The following ERC2 variants were observed in gnomAD, a reference collection of about 807,000 sequenced individuals.
ERC2 encodes ERC protein 2.
A neutral mutation model predicts 114.8 loss-of-function variants in ERC2; 42 were observed. The observed-to-expected ratio is 0.37, with a 90% CI of 0.29 to 0.47. ERC2 has a LOEUF of 0.47. Ranked by LOEUF, ERC2 falls within the 20% of genes least tolerant of loss-of-function variation. ERC2 has a pLI of 0.99. For missense variants in ERC2, 939 were observed against 1,150.7 expected, an observed-to-expected ratio of 0.82 and a Z score of 2.66; for synonymous variants, 454 against 425.5, an observed-to-expected ratio of 1.07 and a Z score of -0.82.
rs76007796 is a variant in ERC2 at position 56,376,373 on chromosome 3, G to C, written c.657+57978C>G. On this transcript the variant is annotated intron_variant, in intron 2 of 17. Transcript: ENST00000288221. The stretch of plus-strand genomic sequence containing the variant: ...TCTCTGATAACATTGGTAACATTGA[G>C]ATTGATGTTGCAAATGGAAACCATC... 4.1e-3 allele frequency among the ~76,000 whole-genome samples: 625 copies of C among 152,072 alleles called. 4 individuals carry two copies. The highest frequency in any genetic ancestry group is 6.0e-3 in the Non-Finnish European group (411 of 68,000).
At chr3:56,279,273 G>A (rs1011264712) in intron 3 of ERC2, among the ~76,000 whole-genome samples, 1 of 152,150 alleles carries the variant, frequency 6.6e-6, no homozygotes, top group African/African-American at 2.4e-5. Context: ...ACTGGACATG[G>A]TTCTTCCTTT....
chr3:56,056,937 T>C (rs2076041371), intron 7 of ERC2, among the ~76,000 whole-genome samples: 1 of 152,200 alleles, frequency 6.6e-6, no homozygotes, highest in Non-Finnish European at 1.5e-5. Flanking sequence ...GTAGGTACCA[T>C]GATCATGTTC....
At chr3:56,400,948 G>A (rs547431921) in intron 2 of ERC2, among the ~76,000 whole-genome samples, 13 of 152,188 alleles carry the variant, frequency 8.5e-5, no homozygotes, top group African/African-American at 2.9e-4. Context: ...TATTAACCAC[G>A]ATCTTGCAAA....
At chr3:55,915,148 A>G (rs548089894) in intron 13 of ERC2, among the ~76,000 whole-genome samples, 120 of 152,142 alleles carry the variant, frequency 7.9e-4, no homozygotes, top group African/African-American at 2.8e-3. Flanking sequence ...TAATTTCCAT[A>G]TTTGTCTCTA....
At chr3:55,901,115 C>A (rs752843811) in intron 13 of ERC2, among the ~76,000 whole-genome samples, 1 of 152,232 alleles carries the variant, frequency 6.6e-6, no homozygotes, top group Non-Finnish European at 1.5e-5. Flanking sequence ...TCAGCACCAA[C>A]AAATGCGTGG....
chr3:56,419,545 A>G (rs1183597927), intron 2 of ERC2, among the ~76,000 whole-genome samples: 2 of 152,198 alleles, frequency 1.3e-5, no homozygotes, highest in African/African-American at 4.8e-5. Flanking sequence ...CATCTTACCA[A>G]TGTACATACC....
chr3:56,428,587 T>C (rs1199079321), intron 2 of ERC2, among the ~76,000 whole-genome samples: 1 of 133,980 alleles, frequency 7.5e-6, no homozygotes, highest in Non-Finnish European at 1.6e-5. Flanking sequence ...AAAAGAATTA[T>C]TTGCAGTTAT....
At chr3:56,342,704 G>C (rs1489852080) in intron 2 of ERC2, among the ~76,000 whole-genome samples, 1 of 152,184 alleles carries the variant, frequency 6.6e-6, no homozygotes, top group Non-Finnish European at 1.5e-5. Context: ...CTGCCGAGGA[G>C]AGAGTGATTA....
At chr3:55,864,198 C>CAT (rs1293506648) in intron 14 of ERC2, among the ~76,000 whole-genome samples, 2 of 129,566 alleles carry the variant, frequency 1.5e-5, no homozygotes, top group African/African-American at 5.9e-5. Context: ...TATATATACA[C>CAT]ATATATATAC....
At chr3:56,139,401 T>C in intron 6 of ERC2, 108 bp downstream of exon 6, 1 of 1,042,314 alleles carries the variant, frequency 9.6e-7, no homozygotes, top group Non-Finnish European at 1.4e-6. Context: ...AAAATACATC[T>C]GGCCCCAAGG....
rs543978358 is a variant in ERC2, at chr3:56,328,945, C to T, written c.658-32510G>A. Among the ~76,000 whole-genome samples the T allele has an allele frequency of 9.2e-5, 14 of 152,330 alleles. No individual in the cohort carries two copies. The East Asian group carries it at 1.9e-3, about 21-fold the overall frequency. On this transcript the variant is annotated intron_variant, in intron 2 of 17. Transcript: ENST00000288221. Reference sequence around the variant, plus strand: ...CTGAGAGCTAGCTTCTTGAAGGATGCAGCCACAGTCACTGGCATTCTGAAA... The same window carrying T: ...CTGAGAGCTAGCTTCTTGAAGGATGTAGCCACAGTCACTGGCATTCTGAAA...
chr3:56,017,243 C>T (rs538522841), intron 8 of ERC2, among the ~76,000 whole-genome samples: 1 of 152,188 alleles, frequency 6.6e-6, no homozygotes, highest in East Asian at 1.9e-4. Flanking sequence ...GAGGAGAGAG[C>T]ATATGCAAAC....
At chr3:56,353,357 G>A (rs932449582) in intron 2 of ERC2, among the ~76,000 whole-genome samples, 1 of 151,786 alleles carries the variant, frequency 6.6e-6, no homozygotes, top group Non-Finnish European at 1.5e-5. Context: ...TAATGGCTTC[G>A]AGAATTTGAG....
At chr3:55,955,396 C>T (rs751900756) in intron 12 of ERC2, among the ~76,000 whole-genome samples, 8 of 152,090 alleles carry the variant, frequency 5.3e-5, no homozygotes, top group Non-Finnish European at 1.0e-4. Flanking sequence ...TGCCTCATGG[C>T]CCTTCCCTCT....
chr3:55,588,450 C>T (rs574495671), intron 17 of ERC2, among the ~76,000 whole-genome samples: 1 of 152,258 alleles, frequency 6.6e-6, no homozygotes, highest in Non-Finnish European at 1.5e-5. Context: ...ACTTAGGCCC[C>T]GGTAAGCCGA....
chr3:55,595,907 A>C (rs1309144949), intron 17 of ERC2, among the ~76,000 whole-genome samples: 2 of 152,182 alleles, frequency 1.3e-5, no homozygotes, highest in Non-Finnish European at 2.9e-5. Context: ...TCCAAGATAC[A>C]ATCATCATAG....
chr3:56,109,536 G>A (rs1560187774), intron 6 of ERC2, among the ~76,000 whole-genome samples: 1 of 152,094 alleles, frequency 6.6e-6, no homozygotes, highest in African/African-American at 2.4e-5. Context: ...TATCAAGGAA[G>A]TTTTTTTCCA....
intron 6 of ERC2, among the ~76,000 whole-genome samples, chr3:56,115,385 G>C (rs1232373478): frequency 6.6e-6 from 1 of 152,066 alleles, no homozygotes; most frequent in African/African-American, 2.4e-5. Flanking sequence ...GACTTGGGGA[G>C]GGCTAACCAT....
At chr3:55,846,970 C>G (rs1017438518) in intron 14 of ERC2, among the ~76,000 whole-genome samples, 5 of 152,144 alleles carry the variant, frequency 3.3e-5, no homozygotes, top group African/African-American at 4.8e-5. Context: ...AGAAGGTCTT[C>G]TTAGGCCTGA....
Sources: gnomAD v4.1 joint callset for allele counts (sites outside exome capture counted in the v4.1 genomes callset) on GRCh38, gnomAD v4.1.1 for gene constraint, MANE v1.5 for transcripts, NCBI Gene and HGNC (gene_info 2026-07-23, HGNC 2026-07-21) for gene names.